The following PAX8 variants were observed in gnomAD, a reference collection of about 807,000 sequenced individuals.
The protein encoded by PAX8 is paired box protein Pax-8.
PAX8 carries 15 observed loss-of-function variants against 52.4 expected under a neutral mutation model. The observed-to-expected ratio is 0.29, with a 90% confidence interval of 0.19 to 0.44. PAX8 has a LOEUF of 0.44. Ranked by LOEUF, PAX8 falls within the 20% of genes least tolerant of loss-of-function variation. The pLI is 1.00. For missense variants in PAX8, 554 were observed against 602.5 expected, an observed-to-expected ratio of 0.92 and a Z score of 0.84; for synonymous variants, 284 against 249.7, an observed-to-expected ratio of 1.14 and a Z score of -1.29.
rs35077047 is a variant in PAX8, at chr2:113,256,654, G to A, written c.26-9735C>T. Among the ~76,000 whole-genome samples, 612 of 67,294 alleles carry A rather than the reference G, an allele frequency of 9.1e-3. 8 individuals are homozygous for A. The highest frequency in any genetic ancestry group is 0.091 in the East Asian group (221 of 2,434). The allele number at this position is 67,294 out of a possible 152,430, so 44.1% of individuals were successfully genotyped here. A position where few individuals can be genotyped will look rare whatever the true frequency, so the allele number is the denominator to read the frequency against. Reference sequence around the variant, plus strand: ...TATGTGTGTGTGTGTGTGTGTGTGTGTATATATATATATAGAATAACACCC... The same window carrying A: ...TATGTGTGTGTGTGTGTGTGTGTGTATATATATATATATAGAATAACACCC... On this transcript the variant is annotated intron_variant, in intron 2 of 11. Transcript: ENST00000429538.
chr2:113,250,828 G>A (rs1011610329), intron 2 of PAX8: 4 of 152,214 alleles, frequency 2.6e-5, no homozygotes, highest in East Asian at 1.9e-4. Context: ...AAGGAACTTC[G>A]AACCTTTTGG....
intron 7 of PAX8, 108 bp from the exon 8 acceptor site, chr2:113,236,829 A>C: frequency 7.6e-7 from 1 of 1,321,938 alleles, no homozygotes; most frequent in South Asian, 1.4e-5. Flanking sequence ...TCCCCAGGAG[A>C]GGTCCTCATC....
At chr2:113,262,814 AG>A (rs1433416865) in intron 2 of PAX8, among the ~76,000 whole-genome samples, 2 of 152,242 alleles carry the variant, frequency 1.3e-5, no homozygotes. Flanking sequence ...AGAGAGGCAC[AG>A]AACAGATTCT....
At chr2:113,234,683 C>A (rs948691546) in intron 9 of PAX8, among the ~76,000 whole-genome samples, 10 of 151,936 alleles carry the variant, frequency 6.6e-5, no homozygotes, top group Non-Finnish European at 5.9e-5. Flanking sequence ...ACCACACCCC[C>A]TAATTTTTTG....
chr2:113,244,750 C>A, intron 3 of PAX8, 126 bp from the exon 4 acceptor site: 1 of 867,778 alleles, frequency 1.2e-6, no homozygotes, highest in South Asian at 1.4e-5. Flanking sequence ...AATGTGCCTC[C>A]AAGGCTGGTC....
chr2:113,276,856 C>G (rs893319723), intron 2 of PAX8, among the ~76,000 whole-genome samples: 1 of 152,074 alleles, frequency 6.6e-6, no homozygotes, highest in African/African-American at 2.4e-5. Flanking sequence ...TGCCATTGCA[C>G]CAGCTTGGCG....
chr2:113,242,060 A>G lies in PAX8; in HGVS notation c.549T>C (p.Asn183=). Residue 183 remains asparagine (N), a synonymous_variant, in exon 6 of 12, where the codon AAT becomes AAC. Transcript: ENST00000429538. Reference sequence around the variant, plus strand: ...CAGGCTGAGCGATGCCCAGGAGCCCATTGATGGAGTAGGTGGAGCCCAGGG... The same window carrying G: ...CAGGCTGAGCGATGCCCAGGAGCCCGTTGATGGAGTAGGTGGAGCCCAGGG... ...SDSLGSTYSI[N]GLLGIAQPGS... is the part of the protein sequence containing the mutation. 3 of 1,613,730 alleles carry G rather than the reference A, an allele frequency of 1.9e-6. No homozygotes were observed. Among genetic ancestry groups the G allele is most frequent in the South Asian group, 2.2e-5 (2 of 90,960 alleles).
chr2:113,250,081 CATG>C (rs1691646293), intron 2 of PAX8, among the ~76,000 whole-genome samples: 1 of 152,028 alleles, frequency 6.6e-6, no homozygotes, highest in African/African-American at 2.4e-5. Flanking sequence ...TCCTGGCTAA[CATG>C]GTGAAACCCC....
At chr2:113,245,812 C>G (rs1334362931) in intron 3 of PAX8, among the ~76,000 whole-genome samples, 2 of 152,192 alleles carry the variant, frequency 1.3e-5, no homozygotes, top group African/African-American at 4.8e-5. Context: ...TCCCCTCTCC[C>G]TAGCCCAGCA....
At chr2:113,231,786 T>C (rs1573423474) in intron 9 of PAX8, among the ~76,000 whole-genome samples, 1 of 152,334 alleles carries the variant, frequency 6.6e-6, no homozygotes, top group Non-Finnish European at 1.5e-5. Context: ...TGGAGTGCAA[T>C]GGCACGATCT....
intron 10 of PAX8, among the ~76,000 whole-genome samples, chr2:113,223,157 C>T (rs554585885): frequency 7.2e-5 from 11 of 152,040 alleles, no homozygotes; most frequent in Non-Finnish European, 1.6e-4. Flanking sequence ...TCAATCATAA[C>T]ACGGCCCAAA....
Position 113,227,201 on chromosome 2 carries a change from G to A in PAX8, c.1143C>T (p.Ser381=), listed in dbSNP as rs145036350. Residue 381 remains serine, a synonymous_variant, in exon 10 of 12, where the codon AGC becomes AGT. Coordinates refer to ENST00000429538, the MANE Select transcript of PAX8 (RefSeq NM_003466.4). The part of the protein sequence containing the change: ...LPGYPPHIPT[S]GQGSYASSAI... ...CAGAGGAGGCATAGCTGCCCTGTCC[G>A]CTGGTGGGGATGTGGGGTGGGTATC... 9.1e-4 allele frequency: 1,470 copies of A among 1,610,036 alleles called. 11 individuals are homozygous for A. The African/African-American group carries it at 0.016, about 18-fold the overall frequency.
At position 113,244,537 on chromosome 2, in the gene PAX8, C is replaced by T; in HGVS notation, c.279G>A (p.Gly93=). 6.2e-7 allele frequency: 1 copy of T among 1,614,114 alleles called. No homozygotes were observed. Among genetic ancestry groups the T allele is most frequent in the East Asian group, 2.2e-5 (1 of 44,876 alleles). The change falls in exon 4 of 12, where the codon GGG becomes GGA. Residue 93 remains glycine (G), a synonymous_variant. Transcript: ENST00000429538. ...TGGTAGGGTTCTGGCGTTTGTAGTC[C>T]CCAATCTTCTCCACCACCTTGGGGG... The part of the protein sequence containing the change: ...VATPKVVEKI[G]DYKRQNPTMF...
intron 5 of PAX8, 114 bp downstream of exon 5, chr2:113,242,576 G>A: frequency 2.5e-6 from 2 of 812,252 alleles, no homozygotes; most frequent in Non-Finnish European, 4.4e-6. Context: ...GAATGGTACT[G>A]TGCACAGCTA....
Position 113,246,859 on chromosome 2 carries a change from A to G in PAX8, c.86T>C (p.Val29Ala). The G allele has an allele frequency of 1.2e-6, 2 of 1,614,182 alleles. No individual in the cohort carries two copies. Residue 29 changes from valine (V) to alanine (A), a missense_variant, in exon 3 of 12, where the codon GTG becomes GCG. Coordinates refer to ENST00000429538, the MANE Select transcript of PAX8 (RefSeq NM_003466.4). Reference sequence around the variant, plus strand: ...CAGGTCTACGATGCGCTGGCGGACCACTTCCGGCAGAGGTCTGCCATTCAC... The same window carrying G: ...CAGGTCTACGATGCGCTGGCGGACCGCTTCCGGCAGAGGTCTGCCATTCAC... ...AFVNGRPLPE[V>A]VRQRIVDLAH...
At chr2:113,270,794 A>G (rs1449866130) in intron 2 of PAX8, 1 of 152,166 alleles carries the variant, frequency 6.6e-6, no homozygotes, top group East Asian at 1.9e-4. Flanking sequence ...TGTCACCCCA[A>G]GGCCATTTAA....
chr2:113,242,604 C>G, intron 5 of PAX8, 86 bp downstream of exon 5: 1 of 895,788 alleles, frequency 1.1e-6, no homozygotes, highest in South Asian at 1.3e-5. Context: ...GTGGGTGTGT[C>G]TGTGTGTGCC....
chr2:113,229,520 AGTGT>A, intron 9 of PAX8, among the ~76,000 whole-genome samples: 1 of 152,346 alleles, frequency 6.6e-6, no homozygotes, highest in East Asian at 1.9e-4. Context: ...CTTTTCCTGC[AGTGT>A]CCAGCTGTGC....
At chr2:113,261,679 T>G (rs1262346752) in intron 2 of PAX8, among the ~76,000 whole-genome samples, 1 of 152,228 alleles carries the variant, frequency 6.6e-6, no homozygotes, top group African/African-American at 2.4e-5. Context: ...AGAAAGAACC[T>G]CAGCGTTCTG....
Sources: allele counts gnomAD v4.1 joint callset (sites outside exome capture counted in the v4.1 genomes callset), GRCh38; gene constraint gnomAD v4.1.1; transcripts MANE v1.5; gene names NCBI Gene and HGNC (gene_info 2026-07-23, HGNC 2026-07-21).